The following EDIL3 variants were observed in gnomAD, a reference collection of about 807,000 sequenced individuals.
EDIL3 encodes EGF like and discoidin domains 3, also known as EGF-like repeat and discoidin I-like domain-containing protein 3.
In EDIL3, 37 loss-of-function variants were observed where a neutral mutation model predicts 67.4. That is an observed-to-expected ratio of 0.55 (90% CI 0.42 to 0.72). EDIL3 has a LOEUF of 0.72. Among genes scored for constraint, EDIL3 ranks in the 30% least tolerant of loss-of-function variants. The pLI, the probability that EDIL3 is intolerant of heterozygous loss-of-function variation, is 0.00. For synonymous variants in EDIL3, 195 were observed against 196.3 expected (o/e 0.99, Z 0.05); for missense variants, 527 against 586.3 (o/e 0.90, Z 1.04).
intron 9 of EDIL3, among the ~76,000 whole-genome samples, chr5:84,023,535 CAT>C (rs1461557219): frequency 6.6e-6 from 1 of 151,942 alleles, no homozygotes; most frequent in African/African-American, 2.4e-5. Context: ...AATATTTTAG[CAT>C]ATATGTTTCT....
intron 4 of EDIL3, among the ~76,000 whole-genome samples, chr5:84,155,798 G>T (rs1285349830): frequency 6.6e-6 from 1 of 151,932 alleles, no homozygotes; most frequent in Non-Finnish European, 1.5e-5. Context: ...GTTTAAAAAG[G>T]TCCCTCTGTT....
At chr5:84,297,710 T>C (rs1178220682) in intron 1 of EDIL3, among the ~76,000 whole-genome samples, 1 of 152,092 alleles carries the variant, frequency 6.6e-6, no homozygotes, top group African/African-American at 2.4e-5. Context: ...GGTGAGAATG[T>C]GGGAATCAAA....
chr5:84,206,019 G>A (rs1354933737), intron 3 of EDIL3, among the ~76,000 whole-genome samples: 6 of 151,378 alleles, frequency 4.0e-5, no homozygotes, highest in Non-Finnish European at 5.9e-5. Context: ...TGTCAATTTT[G>A]GATCTTTCCT....
chr5:84,266,396 G>A (rs1745348015), intron 1 of EDIL3, among the ~76,000 whole-genome samples: 1 of 152,102 alleles, frequency 6.6e-6, no homozygotes. Context: ...ACCAGCACTG[G>A]TTTATCTCTG....
chr5:83,997,390 A>G (rs985032289), intron 9 of EDIL3, among the ~76,000 whole-genome samples: 2 of 152,168 alleles, frequency 1.3e-5, no homozygotes, highest in Non-Finnish European at 1.5e-5. Context: ...TAAAAATTTG[A>G]GAAGACTTGG....
chr5:84,078,191 C>G (rs1212809907), intron 6 of EDIL3, among the ~76,000 whole-genome samples: 2 of 151,986 alleles, frequency 1.3e-5, no homozygotes, highest in African/African-American at 4.8e-5. Context: ...AGAAGAAATC[C>G]ACACACATAT....
intron 4 of EDIL3, among the ~76,000 whole-genome samples, chr5:84,176,181 A>ATATAT (rs1181173284): frequency 4.6e-5 from 4 of 86,466 alleles, no homozygotes; most frequent in African/African-American, 2.1e-4. Context: ...AGTGGTAAAA[A>ATATAT]ATATATATAT....
At chr5:83,963,628 A>G (rs569286611) in intron 9 of EDIL3, among the ~76,000 whole-genome samples, 152 of 148,138 alleles carry the variant, frequency 1.0e-3, no homozygotes, top group African/African-American at 3.3e-3. Flanking sequence ...TTAATTTTAT[A>G]TTAGGTGGAT....
At chr5:84,310,589 G>A (rs895977277) in intron 1 of EDIL3, among the ~76,000 whole-genome samples, 2 of 152,016 alleles carry the variant, frequency 1.3e-5, no homozygotes, top group African/African-American at 2.4e-5. Context: ...CATCTGGAGC[G>A]CTAATTCTAA....
At chr5:84,252,986 A>C (rs1745053682) in intron 2 of EDIL3, among the ~76,000 whole-genome samples, 1 of 152,234 alleles carries the variant, frequency 6.6e-6, no homozygotes, top group South Asian at 2.1e-4. Context: ...ATAAAAAATA[A>C]GGAAAATTCA....
At chr5:83,998,354 G>A (rs746187509) in intron 9 of EDIL3, among the ~76,000 whole-genome samples, 37 of 152,154 alleles carry the variant, frequency 2.4e-4, no homozygotes, top group Non-Finnish European at 5.0e-4. Context: ...AACTCGCTAC[G>A]TTGAAGGGAA....
chr5:84,118,454 C>T (rs1011245267), intron 5 of EDIL3, among the ~76,000 whole-genome samples: 3 of 152,102 alleles, frequency 2.0e-5, no homozygotes, highest in African/African-American at 2.4e-5. Context: ...GAAATAACTA[C>T]GGTAACAAGT....
chr5:84,053,399 C>T (rs973689481), intron 9 of EDIL3, among the ~76,000 whole-genome samples: 1 of 152,090 alleles, frequency 6.6e-6, no homozygotes, highest in Non-Finnish European at 1.5e-5. Context: ...AATAAAAGAA[C>T]TAGAAAAGCA....
chr5:84,071,458 C>T lies in EDIL3; in HGVS notation c.652-4852G>A, dbSNP rs112307126. 6.2e-3 allele frequency among the ~76,000 whole-genome samples: 950 copies of T among 152,206 alleles called. 3 individuals are homozygous for T. The highest frequency in any genetic ancestry group is 0.01 in the East Asian group (53 of 5,180). ...AATTCAAAAGAAATCCCTGAAAAGA[C>T]GAAGATTTTCTGAAACATAAGACAG... On this transcript the variant is annotated intron_variant, in intron 6 of 10. Transcript: ENST00000296591.
At chr5:84,210,772 T>A (rs1332053723) in intron 3 of EDIL3, among the ~76,000 whole-genome samples, 1 of 152,222 alleles carries the variant, frequency 6.6e-6, no homozygotes, top group Non-Finnish European at 1.5e-5. Flanking sequence ...TCCTTTTTCA[T>A]CGAATAGACT....
chr5:84,092,460 T>C (rs2112268986), intron 6 of EDIL3, among the ~76,000 whole-genome samples: 1 of 152,308 alleles, frequency 6.6e-6, no homozygotes, highest in African/African-American at 2.4e-5. Flanking sequence ...CTGAATTGTC[T>C]ACTGAGAGTC....
chr5:84,057,191 GA>G (rs1271018187), intron 9 of EDIL3, among the ~76,000 whole-genome samples: 3 of 152,100 alleles, frequency 2.0e-5, no homozygotes, highest in Admixed American at 6.6e-5. Context: ...TGAACACAAT[GA>G]ATCAATTTTA....
intron 4 of EDIL3, among the ~76,000 whole-genome samples, chr5:84,158,777 T>C (rs1410697779): frequency 6.6e-6 from 1 of 152,084 alleles, no homozygotes; most frequent in Non-Finnish European, 1.5e-5. Flanking sequence ...ACAAAACCTG[T>C]ATTTGTGATA....
At chr5:83,985,712 A>C (rs1374465415) in intron 9 of EDIL3, among the ~76,000 whole-genome samples, 2 of 151,994 alleles carry the variant, frequency 1.3e-5, no homozygotes, top group African/African-American at 4.8e-5. Context: ...TTTGCCTAGC[A>C]CCAGCTATAC....
Sources: gnomAD v4.1 joint callset for allele counts (sites outside exome capture counted in the v4.1 genomes callset) on GRCh38, gnomAD v4.1.1 for gene constraint, MANE v1.5 for transcripts, NCBI Gene and HGNC (gene_info 2026-07-23, HGNC 2026-07-21) for gene names.